SRSF10: variants seen among roughly 807,000 people sequenced by gnomAD.
SRSF10 encodes the protein serine and arginine rich splicing factor 10.
Under a neutral mutation model 32.6 loss-of-function variants are expected in SRSF10, and 9 were observed. The ratio of observed to expected loss-of-function variants is 0.28; its 90% CI spans 0.17 to 0.48. The LOEUF (loss-of-function observed/expected upper bound fraction) is 0.48, where lower values mean the gene tolerates loss of function less well. SRSF10 is among the 20% of genes least tolerant of loss of function. SRSF10 has a pLI of 0.99. For synonymous variants in SRSF10, 105 were observed against 112.4 expected, an observed-to-expected ratio of 0.93 and a Z score of 0.42; for missense variants, 201 against 331.8, an observed-to-expected ratio of 0.61 and a Z score of 3.06.
In SRSF10 at chr1:23,967,445, G is replaced by A. The variant is rs1641506756; in HGVS notation, c.*3697C>T. The A allele has an allele frequency of 8.5e-6, 4 of 470,584 alleles. No individual in the cohort carries two copies. In the South Asian group the frequency reaches 1.7e-4, roughly 20 times the overall value. 29.2% of individuals were successfully genotyped at this position (470,584 alleles called of 1,614,324 possible). Reference sequence around the variant, plus strand: ...CAATATAAACCTATTCATATTTAGGGATTAGTTTCCACAAGTACAAAGTTG... The same window carrying A: ...CAATATAAACCTATTCATATTTAGGAATTAGTTTCCACAAGTACAAAGTTG... On this transcript the variant is annotated 3_prime_UTR_variant, in exon 6 of 6. Transcript: ENST00000492112.
At position 23,969,054 on chromosome 1, in the gene SRSF10, A is replaced by G. The variant is rs1641599035; in HGVS notation, c.*2088T>C. ...TTGTTATTTTAGAATCATATTCAAT[A>G]CTGTAATAATTCCAGTTAATCATTA... On this transcript the variant is annotated 3_prime_UTR_variant, in exon 6 of 6. Transcript: ENST00000492112. The G allele has an allele frequency of 1.2e-6, 1 of 867,222 alleles. No homozygotes were observed. Among genetic ancestry groups the G allele is most frequent in the Non-Finnish European group, 1.4e-6 (1 of 721,646 alleles). The allele number at this position is 867,222 out of a possible 1,614,324, so 53.7% of individuals were successfully genotyped here. A position where few individuals can be genotyped will look rare whatever the true frequency, so the allele number is the denominator to read the frequency against.
At position 23,970,727 on chromosome 1, in the gene SRSF10, G is replaced by A; in HGVS notation, c.*415C>T. ...TAAATGTGTCTGAGCAGTCAGTGTT[G>A]TACTGTGGCTACTACTTCACTTTTG... On this transcript the variant is annotated 3_prime_UTR_variant, in exon 6 of 6. Coordinates refer to ENST00000492112, the MANE Select transcript of SRSF10 (RefSeq NM_054016.4). 18 of 1,006,560 alleles carry A rather than the reference G, an allele frequency of 1.8e-5. No individual in the cohort carries two copies. Among genetic ancestry groups the A allele is most frequent in the Non-Finnish European group, 2.1e-5 (18 of 843,536 alleles). 62.4% of individuals were successfully genotyped at this position (1,006,560 alleles called of 1,614,324 possible).
chr1:23,968,030 G>A lies in SRSF10; in HGVS notation c.*3112C>T, dbSNP rs2148494317. On this transcript the variant is annotated 3_prime_UTR_variant, in exon 6 of 6. Coordinates refer to ENST00000492112, the MANE Select transcript of SRSF10 (RefSeq NM_054016.4). The stretch of plus-strand genomic sequence containing the variant: ...GTGAAGTGTGTCAGCCCTCATTTGA[G>A]TGTTGATATAACCATTCTATTTATC... The A allele has an allele frequency of 6.5e-7, 1 of 1,531,628 alleles. No individual in the cohort carries two copies. Among genetic ancestry groups the A allele is most frequent in the South Asian group, 1.2e-5 (1 of 83,382 alleles). 94.9% of individuals were successfully genotyped at this position (1,531,628 alleles called of 1,614,324 possible). A position where few individuals can be genotyped will look rare whatever the true frequency, so the allele number is the denominator to read the frequency against.
At chr1:23,974,583 C>CT (rs1385762087) in intron 3 of SRSF10, among the ~76,000 whole-genome samples, 33 of 152,300 alleles carry the variant, frequency 2.2e-4, no homozygotes, top group Admixed American at 1.7e-3. Flanking sequence ...AATCCCAGCA[C>CT]TTTGAGAGGC....
rs960123146 is a variant in SRSF10 at position 23,966,182 on chromosome 1, T to C, written c.*4960A>G. On this transcript the variant is annotated 3_prime_UTR_variant, in exon 6 of 6. Transcript: ENST00000492112. ...AGGATCTGACACTTGCTGTGTGATCTTGGGCAAGTTCAAACAAAATTTCTA... is the reference window on the plus strand; with the variant it reads ...AGGATCTGACACTTGCTGTGTGATCCTGGGCAAGTTCAAACAAAATTTCTA... 6.6e-6 allele frequency: 1 copy of C among 151,942 alleles called. No homozygotes were observed. The highest frequency in any genetic ancestry group is 1.5e-5 in the Non-Finnish European group (1 of 67,840). The allele number at this position is 151,942 out of a possible 1,614,324, so 9.4% of individuals were successfully genotyped here. A position where few individuals can be genotyped will look rare whatever the true frequency, so the allele number is the denominator to read the frequency against.
At position 23,971,672 on chromosome 1, in the gene SRSF10, A is replaced by T; in HGVS notation, c.438-46T>A. ...AGCAGTGACAAATATCTATTCATAG[A>T]GGCAAAGTTTCTAATTAAAAGCAAA... On this transcript the variant is annotated intron_variant, in intron 4 of 5. Transcript: ENST00000492112. 3 of 1,585,610 alleles carry T rather than the reference A, an allele frequency of 1.9e-6. No homozygotes were observed. In the South Asian group the frequency reaches 3.5e-5, roughly 19 times the overall value.
intron 2 of SRSF10, 164 bp downstream of exon 2, chr1:23,978,547 CTT>C (rs1642220152): frequency 1.1e-6 from 1 of 902,434 alleles, no homozygotes; most frequent in South Asian, 2.9e-5. Flanking sequence ...TTTGGATTAA[CTT>C]TAATAACGAG....
Position 23,971,218 on chromosome 1 carries a change from T to A in SRSF10, c.713A>T (p.Gln238Leu). ...RKKEPPRSKS[Q>L]SRSQSRSRSK... is the part of the protein sequence containing the mutation. Reference sequence around the variant, plus strand: ...CCTAGACCTAGACTGTGATCTTGACTGAGATTTGGATCTAGGTGGTTCTTT... The same window carrying A: ...CCTAGACCTAGACTGTGATCTTGACAGAGATTTGGATCTAGGTGGTTCTTT... Residue 238 changes from glutamine (Q) to leucine (L), a missense_variant, in exon 6 of 6, where the codon CAG (glutamine) becomes CTG (leucine). Physicochemically the swap from Gln to Leu is moderately radical, Grantham distance 113 (BLOSUM62 -2). Coordinates refer to ENST00000492112, the MANE Select transcript of SRSF10 (RefSeq NM_054016.4). 1 of 1,614,168 alleles carries A rather than the reference T, an allele frequency of 6.2e-7. No homozygotes were observed. The highest frequency in any genetic ancestry group is 8.5e-7 in the Non-Finnish European group (1 of 1,179,996).
intron 4 of SRSF10, 87 bp from the exon 5 acceptor site, chr1:23,971,713 A>C: frequency 6.5e-7 from 1 of 1,528,782 alleles, no homozygotes; most frequent in Non-Finnish European, 8.9e-7. Flanking sequence ...AAACTTTTAA[A>C]ATAAAATGCT....
At position 23,968,962 on chromosome 1, in the gene SRSF10, A is replaced by G. The variant is rs1455664481; in HGVS notation, c.*2180T>C. Reference sequence around the variant, plus strand: ...TGGCAAGTTCTATCATTTCCAAAGTAAAAGTTAGTTGTGCCTAGTGCAACA... The same window carrying G: ...TGGCAAGTTCTATCATTTCCAAAGTGAAAGTTAGTTGTGCCTAGTGCAACA... On this transcript the variant is annotated 3_prime_UTR_variant, in exon 6 of 6. Coordinates refer to ENST00000492112, the MANE Select transcript of SRSF10 (RefSeq NM_054016.4). The G allele has an allele frequency of 5.9e-6, 2 of 336,596 alleles. No individual in the cohort carries two copies. The highest frequency in any genetic ancestry group is 2.2e-5 in the African/African-American group (1 of 44,760). 20.9% of individuals were successfully genotyped at this position (336,596 alleles called of 1,614,324 possible).
Position 23,978,712 on chromosome 1 carries a change from T to C in SRSF10, c.170+1A>G. On this transcript the variant is annotated splice_donor_variant, in intron 2 of 5. Transcript: ENST00000492112. LOFTEE classifies it high-confidence loss of function. Reference sequence around the variant, plus strand: ...TAATCAGCCATCTGAAGAAAGGATATTGAACATAAGCAAATCCTCTTGGAC... The same window carrying C: ...TAATCAGCCATCTGAAGAAAGGATACTGAACATAAGCAAATCCTCTTGGAC... 1 of 1,611,286 alleles carries C rather than the reference T, an allele frequency of 6.2e-7. No individual in the cohort carries two copies. Among genetic ancestry groups the C allele is most frequent in the Non-Finnish European group, 8.5e-7 (1 of 1,178,488 alleles).
rs1168428658 is a variant in SRSF10 at position 23,970,168 on chromosome 1, G to A, written c.*974C>T. The A allele has an allele frequency of 5.1e-6, 5 of 985,152 alleles. No individual in the cohort carries two copies. Among genetic ancestry groups the A allele is most frequent in the Admixed American group, 1.2e-4 (2 of 16,256 alleles). 61.0% of individuals were successfully genotyped at this position (985,152 alleles called of 1,614,324 possible). A position where few individuals can be genotyped will look rare whatever the true frequency, so the allele number is the denominator to read the frequency against. ...AAATTATTTTTGCCATCAACGACCT[G>A]CTCAAATTTTAAGGTGAGTTTTTGT... On this transcript the variant is annotated 3_prime_UTR_variant, in exon 6 of 6. Coordinates refer to ENST00000492112, the MANE Select transcript of SRSF10 (RefSeq NM_054016.4).
Position 23,968,505 on chromosome 1 carries a change from C to T in SRSF10, c.*2637G>A, listed in dbSNP as rs373945469. Among the ~76,000 whole-genome samples, 1 of 116,638 alleles carries T rather than the reference C, an allele frequency of 8.6e-6. No homozygotes were observed. Among genetic ancestry groups the T allele is most frequent in the African/African-American group, 3.3e-5 (1 of 30,592 alleles). 76.5% of individuals were successfully genotyped at this position (116,638 alleles called of 152,430 possible). On this transcript the variant is annotated 3_prime_UTR_variant, in exon 6 of 6. Transcript: ENST00000492112. Reference sequence around the variant, plus strand: ...TGTGATATGGGGAAAATAAAAGTATCTTTCTCATAAGGTTTTGTGAAGAGT... The same window carrying T: ...TGTGATATGGGGAAAATAAAAGTATTTTTCTCATAAGGTTTTGTGAAGAGT...
Position 23,971,118 on chromosome 1 carries a change from T to C in SRSF10, c.*24A>G. 1 of 1,568,524 alleles carries C rather than the reference T, an allele frequency of 6.4e-7. No individual in the cohort carries two copies. The highest frequency in any genetic ancestry group is 8.6e-7 in the Non-Finnish European group (1 of 1,161,396). On this transcript the variant is annotated 3_prime_UTR_variant, in exon 6 of 6. Transcript: ENST00000492112. Reference sequence around the variant, plus strand: ...TATGAGTAAATGAATGATACATGCCTAAAAATGACCATGGTTTATACTATC... The same window carrying C: ...TATGAGTAAATGAATGATACATGCCCAAAAATGACCATGGTTTATACTATC...
At position 23,980,277 on chromosome 1, in the gene SRSF10, G is replaced by C; in HGVS notation, c.-22C>G. Reference sequence around the variant, plus strand: ...ACATGGCGGCGGCGTGTCTCGGCCGGGCGCACTAACGGGCTCAGCAAACCG... The same window carrying C: ...ACATGGCGGCGGCGTGTCTCGGCCGCGCGCACTAACGGGCTCAGCAAACCG... On this transcript the variant is annotated 5_prime_UTR_variant, in exon 1 of 6. Transcript: ENST00000492112. 2.0e-6 allele frequency: 3 copies of C among 1,465,656 alleles called. No individual in the cohort carries two copies. Among genetic ancestry groups the C allele is most frequent in the Non-Finnish European group, 2.7e-6 (3 of 1,103,140 alleles). 90.8% of individuals were successfully genotyped at this position (1,465,656 alleles called of 1,614,324 possible). A position where few individuals can be genotyped will look rare whatever the true frequency, so the allele number is the denominator to read the frequency against.
chr1:23,975,095 G>C lies in SRSF10; in HGVS notation c.171-18C>G, dbSNP rs1003673051. 1.9e-6 allele frequency: 3 copies of C among 1,608,362 alleles called. No homozygotes were observed. The highest frequency in any genetic ancestry group is 1.7e-6 in the Non-Finnish European group (2 of 1,175,352). ...CCTCAAATGTGCTAAATGTTAAGGG[G>C]CTTGGGAAGTTTTGCAAACTTTGAT... is the stretch of plus-strand genomic sequence containing the variant. On this transcript the variant is annotated intron_variant, in intron 2 of 5. Transcript: ENST00000492112.
rs1570767189 is a variant in SRSF10, at chr1:23,970,250, GT to G, written c.*891del. On this transcript the variant is annotated 3_prime_UTR_variant, in exon 6 of 6. Transcript: ENST00000492112. Reference sequence around the variant, plus strand: ...AGAAAAAAAGCAGTGAAGGCTCCATGTTTCAGTCAAAAACTCAATTTCCCAG... The same window carrying G: ...AGAAAAAAAGCAGTGAAGGCTCCATGTTCAGTCAAAAACTCAATTTCCCAG... 3 of 985,122 alleles carry G rather than the reference GT, an allele frequency of 3.0e-6. No homozygotes were observed. The highest frequency in any genetic ancestry group is 2.3e-4 in the East Asian group (2 of 8,802). 61.0% of individuals were successfully genotyped at this position (985,122 alleles called of 1,614,324 possible).
rs1305055610 is a variant in SRSF10, at chr1:23,966,047, AAT to A, written c.*5093_*5094del. The A allele has an allele frequency of 6.6e-6, 1 of 152,038 alleles. No homozygotes were observed. Among genetic ancestry groups the A allele is most frequent in the Admixed American group, 6.5e-5 (1 of 15,270 alleles). 9.4% of individuals were successfully genotyped at this position (152,038 alleles called of 1,614,324 possible). On this transcript the variant is annotated 3_prime_UTR_variant, in exon 6 of 6. Transcript: ENST00000492112. ...AGTAAATTCTAGATCCCATTATATCAATGTTACTATCTCCATGAAAATAAAGC... is the reference window on the plus strand; with the variant it reads ...AGTAAATTCTAGATCCCATTATATCAGTTACTATCTCCATGAAAATAAAGC...
At chr1:23,974,151 C>T (rs1641940740) in intron 3 of SRSF10, among the ~76,000 whole-genome samples, 1 of 152,100 alleles carries the variant, frequency 6.6e-6, no homozygotes, top group Non-Finnish European at 1.5e-5. Flanking sequence ...GCCACCATGC[C>T]TGGCTAATTT....
Sources: gnomAD v4.1 joint callset for allele counts (sites outside exome capture counted in the v4.1 genomes callset) on GRCh38, gnomAD v4.1.1 for gene constraint, MANE v1.5 for transcripts, NCBI Gene and HGNC (gene_info 2026-07-23, HGNC 2026-07-21) for gene names.